FAT3: variants seen among roughly 807,000 people sequenced by gnomAD.
FAT3 encodes the protein FAT atypical cadherin 3.
In FAT3, 95 loss-of-function variants were observed where a neutral mutation model predicts 310.2. The observed-to-expected ratio is 0.31, with a 90% CI of 0.26 to 0.36. FAT3 has a LOEUF of 0.36. Ranked by LOEUF, FAT3 falls within the 10% of genes least tolerant of loss-of-function variation. The pLI, the probability that FAT3 is intolerant of heterozygous loss-of-function variation, is 1.00. For missense variants in FAT3, 5,408 were observed against 5,715.6 expected (o/e 0.95, Z 1.74); for synonymous variants, 2,314 against 2,192.9 (o/e 1.06, Z -1.54).
At chr11:92,843,908 G>A (rs1353368803) in intron 18 of FAT3, 26 bp from the exon 19 acceptor site, 2 of 1,557,300 alleles carry the variant, frequency 1.3e-6, no homozygotes, top group Admixed American at 1.9e-5. Flanking sequence ...TTCCTTTGTT[G>A]CCTTTTCACC....
At chr11:92,697,575 G>T in intron 4 of FAT3, 130 bp downstream of exon 4, 1 of 925,642 alleles carries the variant, frequency 1.1e-6, no homozygotes, top group Non-Finnish European at 1.7e-6. Context: ...CTCTTGGGCT[G>T]CTATGTTCTG....
chr11:92,527,945 G>C (rs1034652327), intron 3 of FAT3, among the ~76,000 whole-genome samples: 4 of 152,110 alleles, frequency 2.6e-5, no homozygotes, highest in Non-Finnish European at 5.9e-5. Context: ...AGTAAACTAA[G>C]CTTTCATTTC....
chr11:92,471,471 T>A (rs1052845423), intron 2 of FAT3, among the ~76,000 whole-genome samples: 2 of 152,136 alleles, frequency 1.3e-5, no homozygotes, highest in Non-Finnish European at 2.9e-5. Context: ...CTTCATGTAA[T>A]CAGGGAGACA....
At chr11:92,465,254 A>G (rs139613317) in intron 2 of FAT3, among the ~76,000 whole-genome samples, 84 of 152,348 alleles carry the variant, frequency 5.5e-4, no homozygotes, top group African/African-American at 2.0e-3. Context: ...AATGTTGAGT[A>G]TCTTGCTAGA....
intron 3 of FAT3, among the ~76,000 whole-genome samples, chr11:92,628,394 A>C (rs2135693212): frequency 6.6e-6 from 1 of 152,272 alleles, no homozygotes; most frequent in Admixed American, 6.5e-5. Context: ...AGTGGAGCAA[A>C]CCTGAAAGCT....
At position 92,397,744 on chromosome 11, in the gene FAT3, T is replaced by C. The variant is rs570756975; in HGVS notation, c.3292+42340T>C. On this transcript the variant is annotated intron_variant, in intron 2 of 27. Coordinates refer to ENST00000525166, the MANE Select transcript of FAT3 (RefSeq NM_001367949.2). ...CCGCTTGCGAACACGCCACCTCTTCTCCTTCCCAGAATTTTTTTTTTTTTT... is the reference window on the plus strand; with the variant it reads ...CCGCTTGCGAACACGCCACCTCTTCCCCTTCCCAGAATTTTTTTTTTTTTT... Among the ~76,000 whole-genome samples, 17 of 149,786 alleles carry C rather than the reference T, an allele frequency of 1.1e-4. No homozygotes were observed. In the South Asian group the frequency reaches 3.4e-3, roughly 30 times the overall value.
chr11:92,615,182 G>T (rs1354505876), intron 3 of FAT3, among the ~76,000 whole-genome samples: 1 of 152,032 alleles, frequency 6.6e-6, no homozygotes, highest in South Asian at 2.1e-4. Context: ...GGGCTATTTT[G>T]TTCCTTGCAT....
intron 4 of FAT3, among the ~76,000 whole-genome samples, chr11:92,751,241 C>A (rs1030552162): frequency 2.0e-5 from 3 of 152,214 alleles, no homozygotes; most frequent in Non-Finnish European, 4.4e-5. Context: ...CTATGCTTCA[C>A]CCTTCTGTGC....
chr11:92,670,247 A>T (rs920300761), intron 3 of FAT3, among the ~76,000 whole-genome samples: 1 of 152,158 alleles, frequency 6.6e-6, no homozygotes, highest in African/African-American at 2.4e-5. Context: ...TATGTTTGTG[A>T]TAGGGAGGTT....
At position 92,883,150 on chromosome 11, in the gene FAT3, G is replaced by A. The variant is rs2136414675; in HGVS notation, c.12694G>A (p.Val4232Met). The change falls in exon 24 of 28, where the codon GTG becomes ATG. Residue 4232 changes from valine (V) to methionine (M), a missense_variant. By Grantham distance (21) the Val-to-Met change is conservative. Transcript: ENST00000525166. This position sits in a 1 kb window ranked among gnomAD's most constrained non-coding sequence, Gnocchi z 4.2. ...YQEVGPPQVP[V>M]RPMAYTPCFQ... ...GGAGGTGGGGCCCCCGCAGGTCCCC[G>A]TGCGCCCCATGGCCTACACACCCTG... 6.2e-7 allele frequency: 1 copy of A among 1,613,586 alleles called. No homozygotes were observed. Among genetic ancestry groups the A allele is most frequent in the South Asian group, 1.1e-5 (1 of 91,088 alleles).
chr11:92,792,253 A>G (rs1947058049), intron 8 of FAT3, among the ~76,000 whole-genome samples: 1 of 152,222 alleles, frequency 6.6e-6, no homozygotes, highest in Non-Finnish European at 1.5e-5. Flanking sequence ...TCTTGAGGGC[A>G]GGAACTGTAT....
chr11:92,810,646 G>T (rs529342061), intron 13 of FAT3, among the ~76,000 whole-genome samples: 2 of 152,314 alleles, frequency 1.3e-5, no homozygotes, highest in African/African-American at 4.8e-5. Flanking sequence ...TTGTTTGACA[G>T]AGTGGGGGTG....
chr11:92,805,430 G>A, intron 11 of FAT3, 81 bp downstream of exon 11: 1 of 1,451,144 alleles, frequency 6.9e-7, no homozygotes, highest in Non-Finnish European at 9.2e-7. Context: ...TCTTCTTAAG[G>A]CCAGGCAAAC....
chr11:92,871,649 C>T (rs1949395998), intron 22 of FAT3, among the ~76,000 whole-genome samples: 2 of 152,150 alleles, frequency 1.3e-5, no homozygotes, highest in African/African-American at 4.8e-5. Flanking sequence ...CTGTCCACAT[C>T]AGGAACTTTC....
rs1183146116 is a variant in FAT3 at position 92,447,067 on chromosome 11, T to C, written c.3293-77567T>C. Among the ~76,000 whole-genome samples, 3 of 152,224 alleles carry C rather than the reference T, an allele frequency of 2.0e-5. No individual in the cohort carries two copies. In the East Asian group the frequency reaches 5.8e-4, roughly 29 times the overall value. On this transcript the variant is annotated intron_variant, in intron 2 of 27. Coordinates refer to ENST00000525166, the MANE Select transcript of FAT3 (RefSeq NM_001367949.2). ...GGAGTTCACATACTACAGAACAAAT[T>C]AGCCAAAAAGTGTTGATTGAATGTA...
chr11:92,551,563 AG>A (rs1168422716), intron 3 of FAT3, among the ~76,000 whole-genome samples: 2 of 152,144 alleles, frequency 1.3e-5, no homozygotes, highest in Non-Finnish European at 2.9e-5. Context: ...TTGTAGAAAT[AG>A]AAGACAAGTG....
chr11:92,819,328 T>C (rs983721358), intron 13 of FAT3, among the ~76,000 whole-genome samples: 5 of 152,148 alleles, frequency 3.3e-5, no homozygotes, highest in African/African-American at 1.2e-4. Context: ...AGATCAGTGG[T>C]TCTCAAACTT....
rs7482409 is a variant in FAT3, at chr11:92,368,915, C to T, written c.3292+13511C>T. On this transcript the variant is annotated intron_variant, in intron 2 of 27. Transcript: ENST00000525166. ...ATACACACACACATATATATATACA[C>T]ATATATATATACACACATATATATA... Among the ~76,000 whole-genome samples the T allele has an allele frequency of 3.9e-4, 49 of 127,266 alleles. No individual in the cohort carries two copies. The South Asian group carries it at 8.3e-3, about 22-fold the overall frequency. The allele number at this position is 127,266 out of a possible 152,430, so 83.5% of individuals were successfully genotyped here. A position where few individuals can be genotyped will look rare whatever the true frequency, so the allele number is the denominator to read the frequency against.
At chr11:92,301,329 G>A (rs998355146) in intron 1 of FAT3, among the ~76,000 whole-genome samples, 8 of 152,180 alleles carry the variant, frequency 5.3e-5, no homozygotes, top group Non-Finnish European at 8.8e-5. Flanking sequence ...CAGTGGATAA[G>A]CTTGTGATTG....
Sources: allele counts gnomAD v4.1 joint callset (sites outside exome capture counted in the v4.1 genomes callset), GRCh38; gene constraint gnomAD v4.1.1; non-coding constraint Gnocchi (gnomAD v3.1); transcripts MANE v1.5; gene names NCBI Gene and HGNC (gene_info 2026-07-23, HGNC 2026-07-21).